KCNQ1: variants seen among roughly 807,000 people sequenced by gnomAD.
KCNQ1 encodes the protein potassium voltage-gated channel subfamily Q member 1.
Under a neutral mutation model 72.4 loss-of-function variants are expected in KCNQ1, and 49 were observed. That is an observed-to-expected ratio of 0.68 (90% CI 0.54 to 0.86). The LOEUF (loss-of-function observed/expected upper bound fraction) is 0.86, where lower values mean the gene tolerates loss of function less well. Among genes scored for constraint, KCNQ1 ranks in the 40% least tolerant of loss-of-function variants. The pLI is 0.00. For synonymous variants in KCNQ1, 450 were observed against 412.6 expected (o/e 1.09, Z -1.10); for missense variants, 790 against 945.1 (o/e 0.84, Z 2.15).
At chr11:2,692,476 G>C (rs1850605168) in intron 11 of KCNQ1, 1 of 398,710 alleles carries the variant, frequency 2.5e-6, no homozygotes, top group East Asian at 3.6e-5. Flanking sequence ...CTGCCTTTCT[G>C]GTAGTTCAGA....
intron 15 of KCNQ1, among the ~76,000 whole-genome samples, chr11:2,838,893 G>A (rs898933137): frequency 6.6e-6 from 1 of 152,158 alleles, no homozygotes; most frequent in Non-Finnish European, 1.5e-5. Context: ...ATGCAGGTGG[G>A]GCCTGTGCCC....
At chr11:2,714,818 A>G (rs538879803) in intron 11 of KCNQ1, among the ~76,000 whole-genome samples, 1 of 152,250 alleles carries the variant, frequency 6.6e-6, no homozygotes, top group South Asian at 2.1e-4. Flanking sequence ...CCCTTCCCCA[A>G]GCAAGGGAAT....
Position 2,477,336 on chromosome 11 carries a change from G to T in KCNQ1, c.386+31852G>T, listed in dbSNP as rs1846585380. On this transcript the variant is annotated intron_variant, in intron 1 of 15. Coordinates refer to ENST00000155840, the MANE Select transcript of KCNQ1 (RefSeq NM_000218.3). This position sits in a 1 kb window ranked among gnomAD's most constrained non-coding sequence, Gnocchi z 5.0. ...AAAGGTAGGAAATGCTCTTTACAAA[G>T]TCATCAAAAAGTTTTTTCTGGAAAA... Among the ~76,000 whole-genome samples the T allele has an allele frequency of 6.6e-6, 1 of 152,180 alleles. No individual in the cohort carries two copies. Among genetic ancestry groups the T allele is most frequent in the South Asian group, 2.1e-4 (1 of 4,832 alleles).
chr11:2,758,496 C>T (rs755590981), intron 11 of KCNQ1, among the ~76,000 whole-genome samples: 13 of 152,294 alleles, frequency 8.5e-5, no homozygotes, highest in Middle Eastern at 3.4e-3. Context: ...ATAATGTGGT[C>T]GTTTCTTATA....
rs942945862 is a variant in KCNQ1 at position 2,447,217 on chromosome 11, G to A, written c.386+1733G>A. Among the ~76,000 whole-genome samples, 15 of 152,274 alleles carry A rather than the reference G, an allele frequency of 9.9e-5. No individual in the cohort carries two copies. In the East Asian group the frequency reaches 1.2e-3, roughly 12 times the overall value. ...TCCTCATTTGGATTGTTTAGGTCTC[G>A]GAAGTTTGCTCAGCAAGAGTCTACC... On this transcript the variant is annotated intron_variant, in intron 1 of 15. Transcript: ENST00000155840. This position sits in a 1 kb window ranked among gnomAD's most constrained non-coding sequence, Gnocchi z 7.6.
At chr11:2,521,365 C>A (rs1260718104) in intron 1 of KCNQ1, 2 of 372,988 alleles carry the variant, frequency 5.4e-6, no homozygotes, top group Admixed American at 6.1e-5. Flanking sequence ...CTGTGACTGG[C>A]ACTGTGTGTT....
intron 10 of KCNQ1, chr11:2,638,873 T>A (rs528166966): frequency 2.6e-5 from 4 of 152,382 alleles, no homozygotes; most frequent in African/African-American, 7.2e-5. Flanking sequence ...GATTTGGTCT[T>A]TTCACATAGT....
In KCNQ1 at chr11:2,543,414, TAGGC is replaced by T. The variant is rs1249303999; in HGVS notation, c.477+15398_477+15401del. On this transcript the variant is annotated intron_variant, in intron 2 of 15. Coordinates refer to ENST00000155840, the MANE Select transcript of KCNQ1 (RefSeq NM_000218.3). This position sits in a 1 kb window ranked among gnomAD's most constrained non-coding sequence, Gnocchi z 5.6. ...TCAGCCTCCCAAGTAGCTGGGACTA[TAGGC>T]ATGTGCCACCACAGGTGCTAACTTT... 2.0e-5 allele frequency among the ~76,000 whole-genome samples: 3 copies of T among 152,052 alleles called. No homozygotes were observed. Among genetic ancestry groups the T allele is most frequent in the African/African-American group, 7.2e-5 (3 of 41,392 alleles).
chr11:2,841,135 C>T (rs760225671), intron 15 of KCNQ1, among the ~76,000 whole-genome samples: 3 of 152,120 alleles, frequency 2.0e-5, no homozygotes, highest in Non-Finnish European at 4.4e-5. Flanking sequence ...AGAGATGAGA[C>T]GAGGAGGCCG....
intron 1 of KCNQ1, among the ~76,000 whole-genome samples, chr11:2,525,587 C>T (rs746074504): frequency 2.6e-5 from 4 of 152,170 alleles, no homozygotes; most frequent in Non-Finnish European, 5.9e-5. Context: ...GGAAGCACCG[C>T]GTTTGCAAAT....
In KCNQ1 at chr11:2,482,658, C is replaced by G. The variant is rs1214587956; in HGVS notation, c.386+37174C>G. The stretch of plus-strand genomic sequence containing the variant: ...CTGACTCCCCCCGCCAACCCCCACC[C>G]CACACTGCACCACAAAGCTGGGTAT... On this transcript the variant is annotated intron_variant, in intron 1 of 15. Transcript: ENST00000155840. This position sits in a 1 kb window ranked among gnomAD's most constrained non-coding sequence, Gnocchi z 5.7. Among the ~76,000 whole-genome samples the G allele has an allele frequency of 6.6e-6, 1 of 152,138 alleles. No homozygotes were observed. The highest frequency in any genetic ancestry group is 2.4e-5 in the African/African-American group (1 of 41,432).
Position 2,550,536 on chromosome 11 carries a change from C to T in KCNQ1, c.478-20092C>T, listed in dbSNP as rs1233857641. 6.6e-6 allele frequency among the ~76,000 whole-genome samples: 1 copy of T among 152,240 alleles called. No individual in the cohort carries two copies. Among genetic ancestry groups the T allele is most frequent in the African/African-American group, 2.4e-5 (1 of 41,458 alleles). The stretch of plus-strand genomic sequence containing the variant: ...GCCCTGGGAGCTGATGCCTGACATG[C>T]ATCCTCGCCTAGGCCAGAGTGCCAG... On this transcript the variant is annotated intron_variant, in intron 2 of 15. Transcript: ENST00000155840. This position sits in a 1 kb window ranked among gnomAD's most constrained non-coding sequence, Gnocchi z 6.0.
chr11:2,632,287 AG>A (rs1849371729), intron 10 of KCNQ1: 1 of 398,170 alleles, frequency 2.5e-6, no homozygotes, highest in Non-Finnish European at 4.4e-6. Flanking sequence ...GTGAGTTTTC[AG>A]GGATTTCTAC....
chr11:2,461,357 C>T (rs948190912), intron 1 of KCNQ1: 10 of 1,152,484 alleles, frequency 8.7e-6, no homozygotes, highest in Non-Finnish European at 1.0e-5. Context: ...GCCTCTGAAG[C>T]TCTGTCCGGG....
Position 2,772,381 on chromosome 11 carries a change from C to G in KCNQ1, c.1590+3462C>G, listed in dbSNP as rs1244073592. Among the ~76,000 whole-genome samples, 4 of 152,112 alleles carry G rather than the reference C, an allele frequency of 2.6e-5. No individual in the cohort carries two copies. The highest frequency in any genetic ancestry group is 9.7e-5 in the African/African-American group (4 of 41,440). On this transcript the variant is annotated intron_variant, in intron 12 of 15. Coordinates refer to ENST00000155840, the MANE Select transcript of KCNQ1 (RefSeq NM_000218.3). The surrounding 1 kb of genome is among the most constrained non-coding windows in gnomAD (Gnocchi z 6.6). ...CCACCCTTCAAGTGTGCCTTGAACT[C>G]CCTGTCCACCATCAGTCAGTCTGGA...
intron 2 of KCNQ1, among the ~76,000 whole-genome samples, chr11:2,545,804 A>G (rs1008217098): frequency 1.3e-5 from 2 of 152,198 alleles, no homozygotes; most frequent in Admixed American, 6.5e-5. Flanking sequence ...GTATTGGCAT[A>G]AAGTTTTTCA....
rs557541123 is a variant in KCNQ1, at chr11:2,517,175, A to G, written c.387-10753A>G. On this transcript the variant is annotated intron_variant, in intron 1 of 15. Transcript: ENST00000155840. The stretch of plus-strand genomic sequence containing the variant: ...GGGGCCAGCCCTCATCCCCACTGCA[A>G]GGCCTGAGCGTCCAGGAGCCCCGTG... Among the ~76,000 whole-genome samples the G allele has an allele frequency of 2.6e-5, 4 of 152,262 alleles. No homozygotes were observed. In the East Asian group the frequency reaches 7.7e-4, roughly 29 times the overall value.
chr11:2,461,515 T>C, intron 1 of KCNQ1: 3 of 1,330,320 alleles, frequency 2.3e-6, no homozygotes, highest in Non-Finnish European at 3.0e-6. Flanking sequence ...CGCCTGCACA[T>C]GTGTGTGTCT....
intron 1 of KCNQ1, among the ~76,000 whole-genome samples, chr11:2,523,904 C>A (rs570975648): frequency 1.3e-5 from 2 of 152,176 alleles, no homozygotes; most frequent in African/African-American, 2.4e-5. Flanking sequence ...GCCTTCCGTG[C>A]AGGTCACTGA....
Sources: allele counts gnomAD v4.1 joint callset (sites outside exome capture counted in the v4.1 genomes callset), GRCh38; gene constraint gnomAD v4.1.1; non-coding constraint Gnocchi (gnomAD v3.1); transcripts MANE v1.5; gene names NCBI Gene and HGNC (gene_info 2026-07-23, HGNC 2026-07-21).